DENND1B: variants seen among roughly 807,000 people sequenced by gnomAD.
DENND1B encodes DENN domain-containing protein 1B.
In DENND1B, 59 loss-of-function variants were observed where a neutral mutation model predicts 90.1. That is an observed-to-expected ratio of 0.65 (90% confidence interval 0.53 to 0.81). The LOEUF is 0.81. Ranked by LOEUF, DENND1B falls within the 40% of genes least tolerant of loss-of-function variation. DENND1B has a pLI of 0.00. For missense variants in DENND1B, 862 were observed against 912.6 expected (o/e 0.94, Z 0.71); for synonymous variants, 337 against 324.6 (o/e 1.04, Z -0.41).
At chr1:197,649,677 T>G (rs899901290) in intron 7 of DENND1B, among the ~76,000 whole-genome samples, 1 of 152,146 alleles carries the variant, frequency 6.6e-6, no homozygotes, top group Non-Finnish European at 1.5e-5. Context: ...TGTAGGAGAA[T>G]GAAACTGGAT....
At chr1:197,612,640 TTAA>T (rs1368926709) in intron 11 of DENND1B, among the ~76,000 whole-genome samples, 2 of 150,674 alleles carry the variant, frequency 1.3e-5, no homozygotes, top group South Asian at 2.1e-4. Context: ...TTCACTTTTA[TTAA>T]TAATTTTAAT....
At chr1:197,544,634 C>T (rs1446454156) in intron 18 of DENND1B, among the ~76,000 whole-genome samples, 7 of 151,046 alleles carry the variant, frequency 4.6e-5, no homozygotes, top group Admixed American at 1.3e-4. Context: ...TGTCTTGGGC[C>T]ACACATAAAA....
chr1:197,751,968 GAGGAGA>G (rs201819958), intron 2 of DENND1B, among the ~76,000 whole-genome samples: 1,834 of 107,262 alleles, frequency 0.017, 47 homozygotes, highest in African/African-American at 0.052. Context: ...GGGGGAGGAG[GAGGAGA>G]AGGAGAAGAA....
chr1:197,602,383 T>C (rs1676289636), intron 13 of DENND1B, among the ~76,000 whole-genome samples: 1 of 151,496 alleles, frequency 6.6e-6, no homozygotes, highest in African/African-American at 2.4e-5. Flanking sequence ...AAAGCATGAC[T>C]ATACTTTTCC....
At chr1:197,671,628 T>C (rs1655513444) in intron 5 of DENND1B, among the ~76,000 whole-genome samples, 1 of 152,298 alleles carries the variant, frequency 6.6e-6, no homozygotes, top group East Asian at 1.9e-4. Context: ...TAAACGCTTC[T>C]ACCAGGTTCA....
intron 3 of DENND1B, among the ~76,000 whole-genome samples, chr1:197,699,069 G>A (rs1301938234): frequency 6.6e-5 from 10 of 152,078 alleles, no homozygotes; most frequent in Non-Finnish European, 4.4e-5. Flanking sequence ...AATGAAGCCA[G>A]CATAATCCTG....
At chr1:197,581,252 T>A (rs1674211331) in intron 15 of DENND1B, among the ~76,000 whole-genome samples, 1 of 152,198 alleles carries the variant, frequency 6.6e-6, no homozygotes, top group African/African-American at 2.4e-5. Context: ...TTCAGGGCTA[T>A]CTTCACGTAT....
chr1:197,713,930 A>G (rs866984276), intron 3 of DENND1B, among the ~76,000 whole-genome samples: 5 of 128,012 alleles, frequency 3.9e-5, no homozygotes, highest in African/African-American at 1.4e-4. Flanking sequence ...TATAATATAT[A>G]CATATATTAT....
intron 10 of DENND1B, among the ~76,000 whole-genome samples, chr1:197,636,698 T>C (rs192352602): frequency 6.6e-6 from 1 of 152,176 alleles, no homozygotes; most frequent in Non-Finnish European, 1.5e-5. Context: ...AATAACATCA[T>C]CATTTTATGT....
rs181322616 is a variant in DENND1B at position 197,578,682 on chromosome 1, T to C, written c.1149+4470A>G. On this transcript the variant is annotated intron_variant, in intron 15 of 22. Coordinates refer to ENST00000620048, the MANE Select transcript of DENND1B (RefSeq NM_001195215.2). ...CATTGTACCCCATAAACACACACTA[T>C]TGTCAATTAAAATTTTTAAAAAATA... is the stretch of plus-strand genomic sequence containing the variant. Among the ~76,000 whole-genome samples, 11 of 152,294 alleles carry C rather than the reference T, an allele frequency of 7.2e-5. No homozygotes were observed. The East Asian group carries it at 1.5e-3, about 21-fold the overall frequency.
chr1:197,504,790 GT>G lies in DENND1B; in HGVS notation c.*5669del, dbSNP rs886177240. Reference sequence around the variant, plus strand: ...TTATTTTAGAACTGCATTTTTGGGTGTTTTATGGTAATGTAGATTTTATTCA... The same window carrying G: ...TTATTTTAGAACTGCATTTTTGGGTGTTTATGGTAATGTAGATTTTATTCA... On this transcript the variant is annotated 3_prime_UTR_variant, in exon 23 of 23. Transcript: ENST00000620048. 13 of 151,866 alleles carry G rather than the reference GT, an allele frequency of 8.6e-5. No homozygotes were observed. The highest frequency in any genetic ancestry group is 6.8e-3 in the Middle Eastern group (2 of 294). 9.4% of individuals were successfully genotyped at this position (151,866 alleles called of 1,614,324 possible).
At chr1:197,735,702 A>G in intron 2 of DENND1B, 2 of 1,613,968 alleles carry the variant, frequency 1.2e-6, no homozygotes, top group Non-Finnish European at 1.7e-6. Flanking sequence ...GCGCTACGCC[A>G]GGACCGACAG....
rs529163639 is a variant in DENND1B, at chr1:197,508,806, G to A, written c.*1654C>T. The A allele has an allele frequency of 6.6e-6, 1 of 151,782 alleles. No homozygotes were observed. The highest frequency in any genetic ancestry group is 1.9e-4 in the East Asian group (1 of 5,144). 9.4% of individuals were successfully genotyped at this position (151,782 alleles called of 1,614,324 possible). On this transcript the variant is annotated 3_prime_UTR_variant, in exon 23 of 23. Transcript: ENST00000620048. ...CCATACTATCACTGCTTTTTTCCCT[G>A]ATTGTGCCTGGTAATCTAGTCTATC...
intron 5 of DENND1B, among the ~76,000 whole-genome samples, chr1:197,665,973 A>G (rs891483577): frequency 6.6e-6 from 1 of 152,156 alleles, no homozygotes; most frequent in African/African-American, 2.4e-5. Flanking sequence ...CTCACAGTAG[A>G]ATACCTACAA....
intron 20 of DENND1B, among the ~76,000 whole-genome samples, chr1:197,522,792 C>A (rs1668865507): frequency 6.6e-6 from 1 of 151,972 alleles, no homozygotes; most frequent in African/African-American, 2.4e-5. Flanking sequence ...AGAAGCTCCT[C>A]CAAGGAGAGA....
rs1668059347 is a variant in DENND1B at position 197,511,962 on chromosome 1, A to T, written c.1599-18T>A. On this transcript the variant is annotated intron_variant, in intron 21 of 22. Coordinates refer to ENST00000620048, the MANE Select transcript of DENND1B (RefSeq NM_001195215.2). Reference sequence around the variant, plus strand: ...AAGATAACCTGAAGAAAAATAAAACACGCAGTAGTAGGTAAATAACCATAT... The same window carrying T: ...AAGATAACCTGAAGAAAAATAAAACTCGCAGTAGTAGGTAAATAACCATAT... The T allele has an allele frequency of 1.9e-6, 3 of 1,578,796 alleles. No individual in the cohort carries two copies. The East Asian group carries it at 6.7e-5, about 35-fold the overall frequency.
At position 197,509,699 on chromosome 1, in the gene DENND1B, A is replaced by C. The variant is rs1667896008; in HGVS notation, c.*761T>G. 2.6e-5 allele frequency: 4 copies of C among 151,598 alleles called. No individual in the cohort carries two copies. 9.4% of individuals were successfully genotyped at this position (151,598 alleles called of 1,614,324 possible). On this transcript the variant is annotated 3_prime_UTR_variant, in exon 23 of 23. Coordinates refer to ENST00000620048, the MANE Select transcript of DENND1B (RefSeq NM_001195215.2). ...CTTGGGGTGGACCCCTAAATAGCAA[A>C]GGCATACAGAGAGACTGAAAACTCG...
At chr1:197,694,200 A>G (rs983142873) in intron 3 of DENND1B, among the ~76,000 whole-genome samples, 4 of 150,982 alleles carry the variant, frequency 2.6e-5, no homozygotes, top group Non-Finnish European at 5.9e-5. Context: ...CACTCAACTT[A>G]GCCTTATTTT....
At chr1:197,546,100 T>TA in intron 17 of DENND1B, 110 bp from the exon 18 acceptor site, 1 of 740,026 alleles carries the variant, frequency 1.4e-6, no homozygotes, top group South Asian at 2.2e-5. Context: ...ACTCACAACT[T>TA]AAAGACCTAT....
Sources: gnomAD v4.1 joint callset for allele counts (sites outside exome capture counted in the v4.1 genomes callset) on GRCh38, gnomAD v4.1.1 for gene constraint, MANE v1.5 for transcripts, NCBI Gene and HGNC (gene_info 2026-07-23, HGNC 2026-07-21) for gene names.